Variants in MARCHF1 observed in about 807,000 individuals in gnomAD.
The protein encoded by MARCHF1 is E3 ubiquitin-protein ligase MARCHF1.
In MARCHF1, 40 loss-of-function variants were observed where a neutral mutation model predicts 54.2. The observed-to-expected ratio is 0.74, with a 90% CI of 0.57 to 0.96. MARCHF1 has a LOEUF of 0.96. Among genes scored for constraint, MARCHF1 ranks in the 40% least tolerant of loss-of-function variants. The probability of loss-of-function intolerance (pLI) is 0.00; values close to 1 mark genes in which losing one functional copy is unlikely to be tolerated. For missense variants in MARCHF1, 586 were observed against 656.5 expected, an observed-to-expected ratio of 0.89 and a Z score of 1.17; for synonymous variants, 236 against 236.3, an observed-to-expected ratio of 1.00 and a Z score of 0.01.
chr4:164,373,780 G>C (rs571532274), intron 1 of MARCHF1, among the ~76,000 whole-genome samples: 1 of 152,148 alleles, frequency 6.6e-6, no homozygotes, highest in Non-Finnish European at 1.5e-5. Flanking sequence ...GCCATGTGGT[G>C]ATTACACCCC....
chr4:163,793,417 T>A (rs1015333236), intron 4 of MARCHF1, among the ~76,000 whole-genome samples: 1 of 152,176 alleles, frequency 6.6e-6, no homozygotes, highest in South Asian at 2.1e-4. Context: ...AGGAAGGATT[T>A]CTCCAATTGT....
At chr4:164,174,693 T>C (rs969947841) in intron 1 of MARCHF1, among the ~76,000 whole-genome samples, 6 of 152,210 alleles carry the variant, frequency 3.9e-5, no homozygotes, top group African/African-American at 1.4e-4. Context: ...GGGAACGTAA[T>C]CTTATGTTGT....
chr4:164,015,251 A>T (rs1012795015), intron 2 of MARCHF1, among the ~76,000 whole-genome samples: 6 of 152,188 alleles, frequency 3.9e-5, no homozygotes, highest in African/African-American at 1.4e-4. Context: ...GGATATCCAT[A>T]TGCAGAAAAA....
At chr4:163,904,420 T>C (rs1751010719) in intron 3 of MARCHF1, among the ~76,000 whole-genome samples, 1 of 152,136 alleles carries the variant, frequency 6.6e-6, no homozygotes. Flanking sequence ...TGGAAGTAGA[T>C]AGGGAATTTT....
intron 9 of MARCHF1, among the ~76,000 whole-genome samples, chr4:163,539,035 T>G (rs546087365): frequency 6.9e-6 from 1 of 144,152 alleles, no homozygotes; most frequent in Admixed American, 7.2e-5. Flanking sequence ...ATTTATTTAT[T>G]TTGAGACAGA....
chr4:164,222,643 A>C (rs1222348874), intron 1 of MARCHF1, among the ~76,000 whole-genome samples: 1 of 151,972 alleles, frequency 6.6e-6, no homozygotes, highest in Non-Finnish European at 1.5e-5. Flanking sequence ...AGAGGGAACC[A>C]GGAAGAGAGA....
At chr4:163,839,627 TTA>T (rs1749283303) in intron 4 of MARCHF1, among the ~76,000 whole-genome samples, 1 of 152,210 alleles carries the variant, frequency 6.6e-6, no homozygotes, top group Non-Finnish European at 1.5e-5. Context: ...ATGATTCAAT[TTA>T]TATGAGATGT....
At chr4:163,621,202 T>A (rs1478750670) in intron 5 of MARCHF1, among the ~76,000 whole-genome samples, 1 of 152,196 alleles carries the variant, frequency 6.6e-6, no homozygotes, top group Non-Finnish European at 1.5e-5. Flanking sequence ...GTATGTCATT[T>A]TTTTCTCCCC....
intron 1 of MARCHF1, among the ~76,000 whole-genome samples, chr4:164,204,080 T>C (rs1030268497): frequency 1.3e-5 from 2 of 152,224 alleles, no homozygotes; most frequent in Non-Finnish European, 1.5e-5. Flanking sequence ...TTGGATGTGA[T>C]TTCTTTTTTC....
chr4:163,609,625 A>G lies in MARCHF1; in HGVS notation c.1010+2646T>C, dbSNP rs551603041. On this transcript the variant is annotated intron_variant, in intron 7 of 9. Transcript: ENST00000514618. ...GGTCTTTCTGTGTGTGTGTGTGTGT[A>G]TATATATATATACGTATATATATAA... Among the ~76,000 whole-genome samples the G allele has an allele frequency of 5.2e-3, 751 of 145,396 alleles. 24 individuals carry two copies. The highest frequency in any genetic ancestry group is 3.7e-3 in the Middle Eastern group (1 of 270).
chr4:164,064,828 A>T (rs970283330), intron 2 of MARCHF1, among the ~76,000 whole-genome samples: 2 of 152,160 alleles, frequency 1.3e-5, no homozygotes, highest in African/African-American at 2.4e-5. Flanking sequence ...TTCCTTTAAT[A>T]CATAGTTTAT....
intron 1 of MARCHF1, among the ~76,000 whole-genome samples, chr4:164,145,280 C>A (rs1435063452): frequency 3.9e-5 from 6 of 152,240 alleles, no homozygotes; most frequent in African/African-American, 1.4e-4. Context: ...TGAAACTATT[C>A]CAATCAATAG....
chr4:163,755,939 A>G (rs1746653516), intron 4 of MARCHF1, among the ~76,000 whole-genome samples: 1 of 152,210 alleles, frequency 6.6e-6, no homozygotes, highest in Admixed American at 6.5e-5. Flanking sequence ...TTTACCTACA[A>G]TTCACAGATA....
At position 163,818,806 on chromosome 4, in the gene MARCHF1, T is replaced by A. The variant is rs1387958803; in HGVS notation, c.111+35215A>T. ...TCTCACCATCTTATGAACCTCATGG[T>A]CAAGACAGTAAATTGCCATTGAGTT... On this transcript the variant is annotated intron_variant, in intron 4 of 9. Transcript: ENST00000514618. Among the ~76,000 whole-genome samples the A allele has an allele frequency of 2.6e-5, 4 of 152,262 alleles. No homozygotes were observed. In the East Asian group the frequency reaches 5.8e-4, roughly 22 times the overall value.
chr4:163,582,329 T>A (rs947405540), intron 8 of MARCHF1, among the ~76,000 whole-genome samples: 4 of 152,180 alleles, frequency 2.6e-5, no homozygotes, highest in African/African-American at 9.7e-5. Flanking sequence ...ATGATGAAAA[T>A]TGCTTTTCCT....
At chr4:163,818,270 T>A (rs1226096820) in intron 4 of MARCHF1, among the ~76,000 whole-genome samples, 1 of 152,126 alleles carries the variant, frequency 6.6e-6, no homozygotes, top group South Asian at 2.1e-4. Flanking sequence ...TATTATTATT[T>A]TTTTAAGTTC....
At chr4:163,649,685 T>C (rs76054076) in intron 5 of MARCHF1, among the ~76,000 whole-genome samples, 2,223 of 152,050 alleles carry the variant, frequency 0.015, 51 homozygotes, top group African/African-American at 0.05. Context: ...TGGGACTTTT[T>C]CTCAAATGCA....
intron 1 of MARCHF1, among the ~76,000 whole-genome samples, chr4:164,114,268 A>G (rs1319526980): frequency 6.6e-6 from 1 of 151,910 alleles, no homozygotes; most frequent in Non-Finnish European, 1.5e-5. Flanking sequence ...AAAAATAAAA[A>G]CATATCTCAT....
At chr4:164,262,274 C>T (rs9308074) in intron 1 of MARCHF1, among the ~76,000 whole-genome samples, 17,661 of 152,034 alleles carry the variant, frequency 0.12, 1,612 homozygotes, top group African/African-American at 0.25. Flanking sequence ...AAATATGCCT[C>T]AACCTATCAA....
Sources: allele counts gnomAD v4.1 joint callset (sites outside exome capture counted in the v4.1 genomes callset), GRCh38; gene constraint gnomAD v4.1.1; transcripts MANE v1.5; gene names NCBI Gene and HGNC (gene_info 2026-07-23, HGNC 2026-07-21).